Variants in TMEM178B observed in about 807,000 individuals in gnomAD.
TMEM178B encodes the protein transmembrane protein 178B.
Under a neutral mutation model 31.0 loss-of-function variants are expected in TMEM178B, and 5 were observed. The ratio of observed to expected loss-of-function variants is 0.16; its 90% CI spans 0.08 to 0.34. The LOEUF (loss-of-function observed/expected upper bound fraction) is 0.34, where lower values mean the gene tolerates loss of function less well. Ranked by LOEUF, TMEM178B falls within the 10% of genes least tolerant of loss-of-function variation. The pLI, the probability that TMEM178B is intolerant of heterozygous loss-of-function variation, is 1.00. For missense variants in TMEM178B, 275 were observed against 400.3 expected (o/e 0.69, Z 2.67); for synonymous variants, 164 against 164.0 (o/e 1.00, Z 0.00).
intron 2 of TMEM178B, among the ~76,000 whole-genome samples, chr7:141,254,223 T>C (rs534126756): frequency 1.3e-5 from 2 of 152,246 alleles, no homozygotes; most frequent in South Asian, 4.1e-4. Context: ...CCCACCAAAG[T>C]ACAGAGGCAG....
At position 141,410,564 on chromosome 7, in the gene TMEM178B, T is replaced by C. The variant is rs559081830; in HGVS notation, c.497-27044T>C. 3.0e-4 allele frequency among the ~76,000 whole-genome samples: 45 copies of C among 151,182 alleles called. No homozygotes were observed. In the South Asian group the frequency reaches 8.9e-3, roughly 30 times the overall value. ...TCCTTCCTTCTTTTCTTTTCTTTTC[T>C]TTCCCAGGTCAGGGTAATGGGTTGT... On this transcript the variant is annotated intron_variant, in intron 2 of 3. Transcript: ENST00000565468.
At chr7:141,491,519 T>G in the TMEM178B span, among the ~76,000 whole-genome samples, 1 of 152,244 alleles carries the variant, frequency 6.6e-6, no homozygotes, top group African/African-American at 2.4e-5. Context: ...ATGTTCACCC[T>G]ATTATAATTT....
At chr7:141,162,918 A>G (rs1462531226) in intron 1 of TMEM178B, among the ~76,000 whole-genome samples, 1 of 152,262 alleles carries the variant, frequency 6.6e-6, no homozygotes, top group Admixed American at 6.5e-5. Flanking sequence ...CATTTCCTGT[A>G]GAACGTTTTA....
At chr7:141,123,209 C>T (rs1278752281) in intron 1 of TMEM178B, among the ~76,000 whole-genome samples, 1 of 152,206 alleles carries the variant, frequency 6.6e-6, no homozygotes, top group African/African-American at 2.4e-5. Flanking sequence ...GGAAAAGAGA[C>T]TTTTGGAATC....
At chr7:141,387,312 C>T (rs578195227) in intron 2 of TMEM178B, among the ~76,000 whole-genome samples, 2 of 152,286 alleles carry the variant, frequency 1.3e-5, no homozygotes, top group Non-Finnish European at 2.9e-5. Flanking sequence ...TTTATTTTTA[C>T]AGTAACGCCA....
intron 1 of TMEM178B, among the ~76,000 whole-genome samples, chr7:141,144,497 C>A (rs1253411613): frequency 6.6e-6 from 1 of 152,070 alleles, no homozygotes; most frequent in Non-Finnish European, 1.5e-5. Flanking sequence ...TGGAACAAAG[C>A]TAGAGATGTG....
Position 141,240,617 on chromosome 7 carries a change from A to G in TMEM178B, c.496+27913A>G, listed in dbSNP as rs1366511732. ...ATTTCTGGGTAAAACTATTTAATTGATTAGATTGCATTTTAATACCGAAGA... is the reference window on the plus strand; with the variant it reads ...ATTTCTGGGTAAAACTATTTAATTGGTTAGATTGCATTTTAATACCGAAGA... On this transcript the variant is annotated intron_variant, in intron 2 of 3. Coordinates refer to ENST00000565468, the MANE Select transcript of TMEM178B (RefSeq NM_001195278.2). 2.0e-5 allele frequency among the ~76,000 whole-genome samples: 3 copies of G among 152,366 alleles called. No homozygotes were observed. In the South Asian group the frequency reaches 6.2e-4, roughly 32 times the overall value.
At chr7:141,102,346 A>G (rs562130961) in intron 1 of TMEM178B, among the ~76,000 whole-genome samples, 1 of 152,348 alleles carries the variant, frequency 6.6e-6, no homozygotes, top group African/African-American at 2.4e-5. Context: ...TTTGACCTAT[A>G]TAGGACAGTG....
chr7:141,080,501 T>A (rs1396266072), intron 1 of TMEM178B, among the ~76,000 whole-genome samples: 1 of 152,146 alleles, frequency 6.6e-6, no homozygotes, highest in East Asian at 1.9e-4. Context: ...ATGCCTGTAA[T>A]CCCAGCTACT....
At chr7:141,372,874 C>G (rs1800143869) in intron 2 of TMEM178B, among the ~76,000 whole-genome samples, 1 of 152,120 alleles carries the variant, frequency 6.6e-6, no homozygotes, top group Admixed American at 6.5e-5. Context: ...CTGAGCCGTC[C>G]AGGCTTGTGA....
intron 1 of TMEM178B, among the ~76,000 whole-genome samples, chr7:141,201,907 TCTC>T (rs1426509253): frequency 1.3e-5 from 2 of 152,210 alleles, no homozygotes; most frequent in African/African-American, 4.8e-5. Context: ...CCTTGGAAGA[TCTC>T]CTGCTTTCTT....
chr7:141,511,207 T>C, the TMEM178B span, among the ~76,000 whole-genome samples: 4 of 150,520 alleles, frequency 2.7e-5, no homozygotes, highest in Non-Finnish European at 5.9e-5. Flanking sequence ...TCAATTGAGG[T>C]GGCTTTAGTG....
At chr7:141,295,393 G>T (rs1392989405) in intron 2 of TMEM178B, among the ~76,000 whole-genome samples, 1 of 152,190 alleles carries the variant, frequency 6.6e-6, no homozygotes, top group Admixed American at 6.5e-5. Context: ...CCCAGAGCTG[G>T]TGACCCAGCA....
At chr7:141,086,038 AATT>A (rs747845389) in intron 1 of TMEM178B, among the ~76,000 whole-genome samples, 17 of 152,030 alleles carry the variant, frequency 1.1e-4, no homozygotes, top group Non-Finnish European at 2.1e-4. Flanking sequence ...TATTAATATT[AATT>A]ATTATTATTT....
intron 2 of TMEM178B, among the ~76,000 whole-genome samples, chr7:141,333,016 A>G (rs780339911): frequency 6.6e-6 from 1 of 152,048 alleles, no homozygotes; most frequent in Admixed American, 6.6e-5. Context: ...ATTTTGAGAA[A>G]TTTTCAAGTT....
chr7:141,248,662 A>G (rs1389898382), intron 2 of TMEM178B, among the ~76,000 whole-genome samples: 1 of 152,194 alleles, frequency 6.6e-6, no homozygotes, highest in Non-Finnish European at 1.5e-5. Flanking sequence ...GGTACAGTAA[A>G]TATAAGGTAT....
chr7:141,137,583 G>A (rs1795696291), intron 1 of TMEM178B, among the ~76,000 whole-genome samples: 1 of 152,180 alleles, frequency 6.6e-6, no homozygotes, highest in Non-Finnish European at 1.5e-5. Context: ...ATGAAGAGAG[G>A]CTGGCTAAGT....
At chr7:141,273,523 G>A (rs1798218198) in intron 2 of TMEM178B, among the ~76,000 whole-genome samples, 1 of 152,144 alleles carries the variant, frequency 6.6e-6, no homozygotes, top group Non-Finnish European at 1.5e-5. Context: ...GAAACATTAA[G>A]GCACAGATAT....
chr7:141,293,389 A>G (rs1447582621), intron 2 of TMEM178B, among the ~76,000 whole-genome samples: 1 of 152,152 alleles, frequency 6.6e-6, no homozygotes, highest in Non-Finnish European at 1.5e-5. Context: ...AGAATGATAT[A>G]CTTGGCTGTT....
Sources: gnomAD v4.1 joint callset for allele counts (sites outside exome capture counted in the v4.1 genomes callset) on GRCh38, gnomAD v4.1.1 for gene constraint, MANE v1.5 for transcripts, NCBI Gene and HGNC (gene_info 2026-07-23, HGNC 2026-07-21) for gene names.